The following ABCC4 variants were observed in gnomAD, a reference collection of about 807,000 sequenced individuals.
The protein encoded by ABCC4 is ATP-binding cassette sub-family C member 4.
In ABCC4, 102 loss-of-function variants were observed where a neutral mutation model predicts 168.5. The observed-to-expected ratio is 0.61, with a 90% CI of 0.52 to 0.71. The LOEUF (loss-of-function observed/expected upper bound fraction) is 0.71. Among genes scored for constraint, ABCC4 ranks in the 30% least tolerant of loss-of-function variants. The probability of loss-of-function intolerance (pLI) is 0.00; values close to 1 mark genes in which losing one functional copy is unlikely to be tolerated. For missense variants in ABCC4, 1,402 were observed against 1,605.8 expected (o/e 0.87, Z 2.17); for synonymous variants, 617 against 590.7 (o/e 1.04, Z -0.65).
chr13:95,268,765 C>T (rs1371870385), intron 1 of ABCC4, among the ~76,000 whole-genome samples: 4 of 152,156 alleles, frequency 2.6e-5, no homozygotes, highest in Non-Finnish European at 5.9e-5. Context: ...CCCACTATTA[C>T]CCTATTGTCC....
chr13:95,116,011 C>G lies in ABCC4; in HGVS notation c.2456-10G>C. 1 of 1,605,586 alleles carries G rather than the reference C, an allele frequency of 6.2e-7. No individual in the cohort carries two copies. Among genetic ancestry groups the G allele is most frequent in the Non-Finnish European group, 8.5e-7 (1 of 1,175,668 alleles). On this transcript the variant is annotated splice_polypyrimidine_tract_variant and intron_variant, in intron 19 of 30. Transcript: ENST00000645237. ...CGATTTAAAATTCTTCCTGCAAGAA[C>G]AGGATATGAAAAATTACTCATTTCC...
At chr13:95,035,971 T>A in intron 29 of ABCC4, among the ~76,000 whole-genome samples, 1 of 152,208 alleles carries the variant, frequency 6.6e-6, no homozygotes, top group East Asian at 1.9e-4. Context: ...CCTGTTAATC[T>A]TTTGTTTACT....
At position 95,136,965 on chromosome 13, in the gene ABCC4, T is replaced by G. The variant is rs181810736; in HGVS notation, c.2456-20964A>C. On this transcript the variant is annotated intron_variant, in intron 19 of 30. Coordinates refer to ENST00000645237, the MANE Select transcript of ABCC4 (RefSeq NM_005845.5). The stretch of plus-strand genomic sequence containing the variant: ...ACCCAGAGTTGGGCCAGGGATAGAG[T>G]AGCAGGTTTATGCAACATTTTACTT... 8.5e-5 allele frequency among the ~76,000 whole-genome samples: 13 copies of G among 152,244 alleles called. No individual in the cohort carries two copies. The East Asian group carries it at 1.9e-3, about 23-fold the overall frequency.
intron 19 of ABCC4, among the ~76,000 whole-genome samples, chr13:95,160,947 A>G (rs1484026602): frequency 6.6e-6 from 1 of 152,174 alleles, no homozygotes; most frequent in African/African-American, 2.4e-5. Context: ...GTGAACATTC[A>G]TTTATTTTTC....
At position 95,073,314 on chromosome 13, in the gene ABCC4, G is replaced by A; in HGVS notation, c.2918-10C>T. 6.2e-7 allele frequency: 1 copy of A among 1,607,778 alleles called. No individual in the cohort carries two copies. Among genetic ancestry groups the A allele is most frequent in the Non-Finnish European group, 8.5e-7 (1 of 1,175,522 alleles). ...TGCCCGGCATCCAGAGCTACGTAAG[G>A]AGGAAGAAGGGAATAAAGTCAGTCT... is the stretch of plus-strand genomic sequence containing the variant. On this transcript the variant is annotated splice_polypyrimidine_tract_variant and intron_variant, in intron 23 of 30. Transcript: ENST00000645237.
chr13:95,121,519 C>T (rs2035571508), intron 19 of ABCC4, among the ~76,000 whole-genome samples: 2 of 151,554 alleles, frequency 1.3e-5, no homozygotes, highest in Admixed American at 1.3e-4. Context: ...ACTGATCCTC[C>T]TGCCTCAGCC....
intron 29 of ABCC4, among the ~76,000 whole-genome samples, chr13:95,042,292 C>G (rs1030303265): frequency 6.6e-6 from 1 of 152,222 alleles, no homozygotes; most frequent in Non-Finnish European, 1.5e-5. Context: ...CAATCCATCA[C>G]AGTCCAGTTG....
chr13:95,273,686 C>A (rs529389788), intron 1 of ABCC4, among the ~76,000 whole-genome samples: 1 of 152,096 alleles, frequency 6.6e-6, no homozygotes, highest in East Asian at 1.9e-4. Flanking sequence ...TCTTGTAGCT[C>A]CCACAGTTCC....
rs9590199 is a variant in ABCC4 at position 95,205,992 on chromosome 13, C to T, written c.1161+540G>A. 7.1e-3 allele frequency among the ~76,000 whole-genome samples: 1,085 copies of T among 152,168 alleles called. 8 individuals are homozygous for T. The highest frequency in any genetic ancestry group is 0.024 in the African/African-American group (1,010 of 41,514). The stretch of plus-strand genomic sequence containing the variant: ...TCAACAGTAAGAAAAAAGTGAAAAG[C>T]GGACAGGAAAGAAATGGCAGAGGTC... On this transcript the variant is annotated intron_variant, in intron 8 of 30. Transcript: ENST00000645237.
At chr13:95,138,630 C>T (rs2036213627) in intron 19 of ABCC4, among the ~76,000 whole-genome samples, 1 of 152,024 alleles carries the variant, frequency 6.6e-6, no homozygotes, top group Non-Finnish European at 1.5e-5. Flanking sequence ...TCAAGACCAG[C>T]CTGGGAAAAA....
At chr13:95,180,364 G>A (rs2037849664) in intron 11 of ABCC4, among the ~76,000 whole-genome samples, 1 of 152,030 alleles carries the variant, frequency 6.6e-6, no homozygotes, top group South Asian at 2.1e-4. Context: ...GACCAGCCTG[G>A]CCAACATGGT....
At chr13:95,146,659 G>A (rs1174556896) in intron 19 of ABCC4, among the ~76,000 whole-genome samples, 3 of 152,232 alleles carry the variant, frequency 2.0e-5, no homozygotes, top group African/African-American at 7.2e-5. Flanking sequence ...AGGCAAAGAA[G>A]AGGGTGGATC....
chr13:95,157,165 G>A (rs1405258890), intron 19 of ABCC4, among the ~76,000 whole-genome samples: 1 of 150,128 alleles, frequency 6.7e-6, no homozygotes, highest in Admixed American at 6.7e-5. Flanking sequence ...GGTCACCTTG[G>A]ATGAATGTGT....
intron 9 of ABCC4, among the ~76,000 whole-genome samples, chr13:95,192,868 G>A (rs1028064861): frequency 2.0e-5 from 3 of 152,154 alleles, no homozygotes; most frequent in Admixed American, 6.5e-5. Flanking sequence ...ACAGTGAGCC[G>A]AAATCACAGC....
intron 1 of ABCC4, among the ~76,000 whole-genome samples, chr13:95,267,924 G>A (rs567292785): frequency 1.2e-4 from 19 of 152,196 alleles, no homozygotes; most frequent in Non-Finnish European, 2.4e-4. Flanking sequence ...CCCGTCAATC[G>A]TGCCGATGTA....
chr13:95,268,771 T>G (rs931566090), intron 1 of ABCC4, among the ~76,000 whole-genome samples: 1 of 152,140 alleles, frequency 6.6e-6, no homozygotes, highest in Non-Finnish European at 1.5e-5. Context: ...ATTACCCTAT[T>G]GTCCTGCCAC....
intron 1 of ABCC4, among the ~76,000 whole-genome samples, chr13:95,277,538 G>A (rs1361899484): frequency 6.7e-6 from 1 of 150,276 alleles, no homozygotes. Flanking sequence ...CTGGGACCAT[G>A]CCATTGCACT....
intron 27 of ABCC4, among the ~76,000 whole-genome samples, chr13:95,045,792 G>C (rs2032551082): frequency 6.6e-6 from 1 of 152,096 alleles, no homozygotes; most frequent in Admixed American, 6.6e-5. Flanking sequence ...TGGCCAATAA[G>C]CAGGTGTACA....
intron 1 of ABCC4, among the ~76,000 whole-genome samples, chr13:95,283,530 C>G (rs2041182453): frequency 6.6e-6 from 1 of 151,984 alleles, no homozygotes; most frequent in Admixed American, 6.6e-5. Context: ...CTAACTCATT[C>G]CCTCCATTCC....
Sources: allele counts gnomAD v4.1 joint callset (sites outside exome capture counted in the v4.1 genomes callset), GRCh38; gene constraint gnomAD v4.1.1; transcripts MANE v1.5; gene names NCBI Gene and HGNC (gene_info 2026-07-23, HGNC 2026-07-21).